The following PCDH7 variants were observed in gnomAD, a reference collection of about 807,000 sequenced individuals.
The protein encoded by PCDH7 is protocadherin 7.
A neutral mutation model predicts 58.9 loss-of-function variants in PCDH7; 17 were observed. The ratio of observed to expected loss-of-function variants is 0.29; its 90% CI spans 0.20 to 0.43. PCDH7 has a LOEUF of 0.43. Among genes scored for constraint, PCDH7 ranks in the 20% least tolerant of loss-of-function variants. PCDH7 has a pLI of 1.00. For synonymous variants in PCDH7, 664 were observed against 616.4 expected, an observed-to-expected ratio of 1.08 and a Z score of -1.14; for missense variants, 1,274 against 1,441.0, an observed-to-expected ratio of 0.88 and a Z score of 1.88.
chr4:31,005,479 C>A (rs546837012), intron 3 of PCDH7, among the ~76,000 whole-genome samples: 69 of 152,156 alleles, frequency 4.5e-4, no homozygotes, highest in Non-Finnish European at 7.4e-4. Context: ...AGGGAGAAAC[C>A]AGGTTGGAAA....
intron 3 of PCDH7, among the ~76,000 whole-genome samples, chr4:30,968,356 ACAC>A (rs1749205019): frequency 1.1e-5 from 1 of 94,588 alleles, no homozygotes; most frequent in African/African-American, 5.3e-5. Flanking sequence ...ATATATACAC[ACAC>A]TATATATATA....
intron 3 of PCDH7, among the ~76,000 whole-genome samples, chr4:31,035,247 C>CTTTTTTTTTTTTTTTTTTTTTTTTTT (rs35099580): frequency 2.0e-5 from 2 of 99,380 alleles, no homozygotes; most frequent in Non-Finnish European, 3.7e-5. Context: ...CCTTTTTTCC[C>CTTTTTTTTTTTTTTTTTTTTTTTTTT]TTTTTTTTTT....
At chr4:30,737,709 T>C (rs1577597593), downstream of PCDH7, among the ~76,000 whole-genome samples, 1 of 152,194 alleles carries the variant, frequency 6.6e-6, no homozygotes, top group Non-Finnish European at 1.5e-5. Flanking sequence ...GAGAATGACT[T>C]TCAGTGCTGT....
In PCDH7 at chr4:30,722,720, C is replaced by T. The variant is rs1276259738; in HGVS notation, c.1298C>T (p.Ala433Val). The T allele has an allele frequency of 6.2e-7, 1 of 1,613,514 alleles. No homozygotes were observed. Among genetic ancestry groups the T allele is most frequent in the Non-Finnish European group, 8.5e-7 (1 of 1,179,998 alleles). Residue 433 changes from alanine (A) to valine (V), a missense_variant, in exon 1 of 2, where the codon GCC (alanine) becomes GTC (valine). Physicochemically the swap from Ala to Val is moderately conservative, Grantham distance 64 (BLOSUM62 0). Around this residue, in one of 3 missense-constraint regions of PCDH7, gnomAD observed 731 missense variants for 881.9 expected, o/e 0.83. Coordinates refer to ENST00000361762, the Ensembl canonical transcript of PCDH7. This position sits in a 1 kb window ranked among gnomAD's most constrained non-coding sequence, Gnocchi z 7.6. Reference sequence around the variant, plus strand: ...CTCAAGGACGGGGTGGCCAACGTGGCCGAGGACGTTCTGGTCGACACCCCC... The same window carrying T: ...CTCAAGGACGGGGTGGCCAACGTGGTCGAGGACGTTCTGGTCGACACCCCC...
intron 3 of PCDH7, among the ~76,000 whole-genome samples, chr4:31,018,254 A>G (rs1454561107): frequency 1.3e-5 from 2 of 152,140 alleles, no homozygotes; most frequent in African/African-American, 4.8e-5. Context: ...TTTTTAGTTC[A>G]GCTGAATCAC....
intron 3 of PCDH7, among the ~76,000 whole-genome samples, chr4:30,979,086 G>T (rs1750323492): frequency 6.6e-6 from 1 of 151,946 alleles, no homozygotes. Context: ...AAAAAAATTG[G>T]GGGGCCGAGG....
chr4:30,816,333 G>A (rs1727664348), intron 1 of PCDH7, among the ~76,000 whole-genome samples: 1 of 152,110 alleles, frequency 6.6e-6, no homozygotes, highest in Non-Finnish European at 1.5e-5. Context: ...AATCTCTGAA[G>A]TACTTCTCTC....
chr4:30,819,259 T>C (rs1015049949), intron 1 of PCDH7, among the ~76,000 whole-genome samples: 24 of 152,166 alleles, frequency 1.6e-4, no homozygotes, highest in African/African-American at 5.3e-4. Flanking sequence ...AAAGTTGTGG[T>C]GGGGAACCTA....
intron 1 of PCDH7, among the ~76,000 whole-genome samples, chr4:30,893,745 A>C (rs1738913812): frequency 6.6e-6 from 1 of 152,072 alleles, no homozygotes; most frequent in Non-Finnish European, 1.5e-5. Flanking sequence ...TTGCAACAAA[A>C]TCTATTATTT....
intron 3 of PCDH7, among the ~76,000 whole-genome samples, chr4:31,021,785 C>T (rs1428211302): frequency 6.6e-6 from 1 of 151,904 alleles, no homozygotes; most frequent in Non-Finnish European, 1.5e-5. Context: ...TAAATATGGT[C>T]TAATCTAGAG....
intron 3 of PCDH7, among the ~76,000 whole-genome samples, chr4:31,133,106 T>C (rs982948215): frequency 3.3e-5 from 5 of 152,226 alleles, no homozygotes; most frequent in African/African-American, 1.2e-4. Context: ...AATTTCTGCT[T>C]GTTGAGGACA....
chr4:30,818,959 T>C (rs1728024100), intron 1 of PCDH7, among the ~76,000 whole-genome samples: 1 of 152,206 alleles, frequency 6.6e-6, no homozygotes, highest in South Asian at 2.1e-4. Context: ...ATTGTTTCTA[T>C]TCCTAACCAT....
intron 1 of PCDH7, among the ~76,000 whole-genome samples, chr4:30,852,227 C>T (rs1049951157): frequency 2.6e-5 from 4 of 152,002 alleles, no homozygotes; most frequent in African/African-American, 9.7e-5. Context: ...CATGCTGAAG[C>T]ACTAGTTACC....
chr4:31,126,021 T>G (rs570459620), intron 3 of PCDH7, among the ~76,000 whole-genome samples: 44 of 152,280 alleles, frequency 2.9e-4, no homozygotes, highest in African/African-American at 1.1e-3. Flanking sequence ...AGATGCAAGC[T>G]CTTGGGTAAC....
Position 30,722,858 on chromosome 4 carries a change from A to C in PCDH7, c.1436A>C (p.Asp479Ala). The change falls in exon 1 of 2, where the codon GAC becomes GCC. Residue 479 changes from aspartate to alanine, a missense_variant. Transcript: ENST00000361762. This position sits in a 1 kb window ranked among gnomAD's most constrained non-coding sequence, Gnocchi z 7.6. Reference sequence around the variant, plus strand: ...AAGCCAGCCAGCGACACCGAGGGCGACCAGAACAAGAAAAAGTACTTCTTG... The same window carrying C: ...AAGCCAGCCAGCGACACCGAGGGCGCCCAGAACAAGAAAAAGTACTTCTTG... The C allele has an allele frequency of 6.2e-7, 1 of 1,613,806 alleles. No homozygotes were observed.
At chr4:30,920,177 G>A (rs1328213361) in exon 2 of PCDH7, 1 of 1,367,712 alleles carries the variant, frequency 7.3e-7, no homozygotes, top group Non-Finnish European at 9.8e-7. Context: ...GACGTTTTCT[G>A]TTGTGAGTCA....
intron 1 of PCDH7, among the ~76,000 whole-genome samples, chr4:30,824,123 C>T (rs533704001): frequency 8.3e-5 from 12 of 144,586 alleles, no homozygotes; most frequent in African/African-American, 3.1e-4. Context: ...TTCTTTCTTT[C>T]TTTCTTTCTT....
chr4:30,899,741 A>G (rs73214935), intron 1 of PCDH7, among the ~76,000 whole-genome samples: 3,588 of 151,908 alleles, frequency 0.024, 82 homozygotes, highest in Non-Finnish European at 0.035. Flanking sequence ...TCTTTTATCA[A>G]TTCTTCACCA....
chr4:31,044,781 T>C (rs1756151293), intron 3 of PCDH7, among the ~76,000 whole-genome samples: 1 of 152,006 alleles, frequency 6.6e-6, no homozygotes, highest in Non-Finnish European at 1.5e-5. Flanking sequence ...TGGAGTCCTT[T>C]CTTAGGAAAA....
Sources: allele counts gnomAD v4.1 joint callset (sites outside exome capture counted in the v4.1 genomes callset), GRCh38; gene constraint gnomAD v4.1.1; regional missense constraint gnomAD v4.1.1; non-coding constraint Gnocchi (gnomAD v3.1); transcripts MANE v1.5; gene names NCBI Gene and HGNC (gene_info 2026-07-23, HGNC 2026-07-21).